DAB1: variants seen among roughly 807,000 people sequenced by gnomAD.
The protein encoded by DAB1 is DAB adaptor protein 1.
A neutral mutation model predicts 64.6 loss-of-function variants in DAB1; 15 were observed. The ratio of observed to expected loss-of-function variants is 0.23; its 90% confidence interval spans 0.16 to 0.36. The LOEUF is 0.36. DAB1 is among the 10% of genes least tolerant of loss of function. The pLI is 1.00. For missense variants in DAB1, 596 were observed against 706.7 expected (o/e 0.84, Z 1.78); for synonymous variants, 235 against 251.9 (o/e 0.93, Z 0.64).
chr1:57,271,288 A>T (rs1670976161), intron 2 of DAB1, among the ~76,000 whole-genome samples: 1 of 152,208 alleles, frequency 6.6e-6, no homozygotes, highest in Non-Finnish European at 1.5e-5. Flanking sequence ...GTTTGGGATC[A>T]AAGAAACAGA....
intron 2 of DAB1, among the ~76,000 whole-genome samples, chr1:57,225,978 A>G (rs1667233744): frequency 6.6e-6 from 1 of 152,126 alleles, no homozygotes; most frequent in Non-Finnish European, 1.5e-5. Context: ...GGTGCAGCCA[A>G]TCACTCCTGC....
chr1:57,668,031 T>TA (rs1646469128), intron 6 of DAB1, among the ~76,000 whole-genome samples: 1 of 151,788 alleles, frequency 6.6e-6, no homozygotes, highest in African/African-American at 2.4e-5. Flanking sequence ...AAAGTAAAAT[T>TA]TAAAAAAAAA....
chr1:57,283,699 T>C (rs931513873), intron 2 of DAB1, among the ~76,000 whole-genome samples: 1 of 152,226 alleles, frequency 6.6e-6, no homozygotes, highest in African/African-American at 2.4e-5. Context: ...GAAGTCTTCA[T>C]TGTAAGGAAG....
At chr1:57,385,030 A>G (rs1681694478) in intron 1 of DAB1, among the ~76,000 whole-genome samples, 1 of 152,222 alleles carries the variant, frequency 6.6e-6, no homozygotes, top group Non-Finnish European at 1.5e-5. Flanking sequence ...GCAATAGGTT[A>G]TACAGAAACA....
chr1:58,355,037 C>A (rs1352051313), intron 3 of DAB1, among the ~76,000 whole-genome samples: 1 of 152,124 alleles, frequency 6.6e-6, no homozygotes, highest in African/African-American at 2.4e-5. Flanking sequence ...CTGAATAACT[C>A]AATGGATATT....
chr1:57,915,765 G>A (rs774010412), intron 5 of DAB1, among the ~76,000 whole-genome samples: 1 of 152,156 alleles, frequency 6.6e-6, no homozygotes, highest in Non-Finnish European at 1.5e-5. Flanking sequence ...CATCAGCTCG[G>A]AGCCCCTTCA....
chr1:58,349,717 T>C (rs1644033686), intron 3 of DAB1, among the ~76,000 whole-genome samples: 1 of 152,146 alleles, frequency 6.6e-6, no homozygotes, highest in Non-Finnish European at 1.5e-5. Context: ...TGTTTGGTTT[T>C]CTGTTCTTAT....
chr1:57,370,676 C>T lies in DAB1; in HGVS notation c.-137+53254G>A, dbSNP rs371314981. 4.0e-5 allele frequency among the ~76,000 whole-genome samples: 6 copies of T among 150,852 alleles called. No homozygotes were observed. The South Asian group carries it at 6.3e-4, about 16-fold the overall frequency. Reference sequence around the variant, plus strand: ...ATCTCCCAATAACTTATAGTTTCCTCGCATATAAATGGAGAAGGTTAAACT... The same window carrying T: ...ATCTCCCAATAACTTATAGTTTCCTTGCATATAAATGGAGAAGGTTAAACT... On this transcript the variant is annotated intron_variant, in intron 1 of 14. Coordinates refer to ENST00000371236, the MANE Select transcript of DAB1 (RefSeq NM_001365792.1).
At chr1:58,262,567 G>A (rs904364732) in intron 4 of DAB1, among the ~76,000 whole-genome samples, 1 of 152,050 alleles carries the variant, frequency 6.6e-6, no homozygotes, top group Non-Finnish European at 1.5e-5. Flanking sequence ...CCTGGTGACA[G>A]GGCGAGACTG....
chr1:58,044,445 T>C (rs1400637628), intron 5 of DAB1, among the ~76,000 whole-genome samples: 1 of 151,866 alleles, frequency 6.6e-6, no homozygotes, highest in Non-Finnish European at 1.5e-5. Flanking sequence ...AGCTCTTCCA[T>C]CTTGTATGCG....
intron 5 of DAB1, among the ~76,000 whole-genome samples, chr1:58,022,881 A>C (rs1646834343): frequency 6.6e-6 from 1 of 152,188 alleles, no homozygotes; most frequent in Non-Finnish European, 1.5e-5. Context: ...TATTTTTCTG[A>C]ATAGCCTATG....
intron 9 of DAB1, among the ~76,000 whole-genome samples, chr1:57,042,163 G>A (rs1647870611): frequency 2.0e-5 from 3 of 152,232 alleles, no homozygotes; most frequent in South Asian, 4.2e-4. Context: ...TCTGAGGATC[G>A]AATGAGGCAA....
At chr1:57,910,948 T>G (rs1330835061) in intron 5 of DAB1, among the ~76,000 whole-genome samples, 1 of 152,194 alleles carries the variant, frequency 6.6e-6, no homozygotes, top group Non-Finnish European at 1.5e-5. Context: ...CAGGGGCAGA[T>G]GTGAGGCTTA....
chr1:57,867,760 T>C (rs1363646527), intron 1 of DAB1, among the ~76,000 whole-genome samples: 1 of 152,122 alleles, frequency 6.6e-6, no homozygotes, highest in Non-Finnish European at 1.5e-5. Context: ...ACAGAAGTGA[T>C]AGTCAAACAA....
At chr1:57,055,524 C>G (rs1003648296) in intron 9 of DAB1, among the ~76,000 whole-genome samples, 1 of 152,184 alleles carries the variant, frequency 6.6e-6, no homozygotes, top group Admixed American at 6.5e-5. Context: ...AGCTTTCCAT[C>G]TATACCTGGG....
intron 6 of DAB1, among the ~76,000 whole-genome samples, chr1:57,728,517 C>T (rs1226553297): frequency 2.0e-5 from 3 of 151,868 alleles, no homozygotes; most frequent in Non-Finnish European, 4.4e-5. Context: ...TGGCGTGAAC[C>T]CGGGAGGCAG....
chr1:57,683,166 C>T (rs1363426384), intron 6 of DAB1, among the ~76,000 whole-genome samples: 1 of 152,170 alleles, frequency 6.6e-6, no homozygotes, highest in Non-Finnish European at 1.5e-5. Flanking sequence ...TCTTAGAACA[C>T]TGAGAGGTGT....
intron 5 of DAB1, among the ~76,000 whole-genome samples, chr1:58,083,250 AAAC>A (rs1266212924): frequency 6.6e-6 from 1 of 152,220 alleles, no homozygotes; most frequent in African/African-American, 2.4e-5. Context: ...CCTAAGGGAC[AAAC>A]AACAGATTTC....
At chr1:58,322,327 T>C (rs977975376) in intron 4 of DAB1, among the ~76,000 whole-genome samples, 3 of 152,172 alleles carry the variant, frequency 2.0e-5, no homozygotes, top group African/African-American at 7.2e-5. Flanking sequence ...GAGAAAATTT[T>C]TGCAATCTAC....
Sources: allele counts gnomAD v4.1 joint callset (sites outside exome capture counted in the v4.1 genomes callset), GRCh38; gene constraint gnomAD v4.1.1; transcripts MANE v1.5; gene names NCBI Gene and HGNC (gene_info 2026-07-23, HGNC 2026-07-21).